TYW1: variants seen among roughly 807,000 people sequenced by gnomAD.
TYW1 encodes the protein S-adenosyl-L-methionine-dependent tRNA 4-demethylwyosine synthase TYW1.
In TYW1, 46 loss-of-function variants were observed where a neutral mutation model predicts 96.2. The ratio of observed to expected loss-of-function variants is 0.48; its 90% confidence interval spans 0.38 to 0.61. The LOEUF (loss-of-function observed/expected upper bound fraction) is 0.61, where lower values mean the gene tolerates loss of function less well. TYW1 is among the 20% of genes least tolerant of loss of function. The pLI, the probability that TYW1 is intolerant of heterozygous loss-of-function variation, is 0.00. For missense variants in TYW1, 684 were observed against 909.6 expected (o/e 0.75, Z 3.19); for synonymous variants, 274 against 323.0 (o/e 0.85, Z 1.63).
intron 12 of TYW1, among the ~76,000 whole-genome samples, chr7:67,099,824 G>T (rs756546660): frequency 6.6e-6 from 1 of 152,140 alleles, no homozygotes; most frequent in Non-Finnish European, 1.5e-5. Flanking sequence ...CCAACATGGG[G>T]AAACCCCATC....
chr7:67,041,187 A>G (rs951596453), intron 7 of TYW1, among the ~76,000 whole-genome samples: 10 of 152,326 alleles, frequency 6.6e-5, no homozygotes, highest in African/African-American at 2.4e-4. Context: ...GTTAGGTTAC[A>G]GCAGGGTGTT....
At chr7:67,083,772 C>T (rs1205267709) in intron 11 of TYW1, among the ~76,000 whole-genome samples, 1 of 152,224 alleles carries the variant, frequency 6.6e-6, no homozygotes, top group East Asian at 1.9e-4. Flanking sequence ...TGCTGGCTCA[C>T]GCCTGTAATC....
chr7:67,111,538 A>G (rs982528849), intron 12 of TYW1, among the ~76,000 whole-genome samples: 1 of 152,206 alleles, frequency 6.6e-6, no homozygotes, highest in Non-Finnish European at 1.5e-5. Context: ...TATGAAAATG[A>G]TGACTCATCA....
chr7:67,232,691 G>T (rs1458628914), intron 15 of TYW1, among the ~76,000 whole-genome samples: 2 of 125,002 alleles, frequency 1.6e-5, no homozygotes, highest in Non-Finnish European at 3.4e-5. Context: ...GGTCAGTAGG[G>T]TCTTCTCATT....
At chr7:67,232,189 C>A (rs1478638503) in intron 15 of TYW1, among the ~76,000 whole-genome samples, 1 of 151,938 alleles carries the variant, frequency 6.6e-6, no homozygotes, top group Admixed American at 6.6e-5. Context: ...TGAGATCATG[C>A]CATTGCACTC....
intron 7 of TYW1, among the ~76,000 whole-genome samples, chr7:67,032,077 G>A (rs1200118111): frequency 7.2e-5 from 11 of 151,772 alleles, no homozygotes; most frequent in Non-Finnish European, 1.0e-4. Flanking sequence ...ATGGTGAGGC[G>A]ATAACCATTC....
intron 13 of TYW1, among the ~76,000 whole-genome samples, chr7:67,162,828 TG>T (rs1799201943): frequency 6.6e-6 from 1 of 152,242 alleles, no homozygotes; most frequent in African/African-American, 2.4e-5. Flanking sequence ...CTCTTATTTC[TG>T]TTTACTATTC....
intron 9 of TYW1, among the ~76,000 whole-genome samples, chr7:67,058,993 A>T (rs1166176016): frequency 6.6e-6 from 1 of 152,128 alleles, no homozygotes; most frequent in East Asian, 1.9e-4. Flanking sequence ...AGAGCATTGC[A>T]ATGGGAATAT....
At chr7:67,109,003 G>A (rs1797321090) in intron 12 of TYW1, among the ~76,000 whole-genome samples, 1 of 152,056 alleles carries the variant, frequency 6.6e-6, no homozygotes, top group Non-Finnish European at 1.5e-5. Context: ...GCCGGGTGCG[G>A]TGGCTCACGC....
At chr7:67,170,543 A>G (rs1799484673) in intron 13 of TYW1, among the ~76,000 whole-genome samples, 1 of 152,238 alleles carries the variant, frequency 6.6e-6, no homozygotes, top group African/African-American at 2.4e-5. Flanking sequence ...CTGTTTTAAC[A>G]TGAACAACGA....
chr7:67,193,852 TTG>T (rs34815766), intron 14 of TYW1, among the ~76,000 whole-genome samples: 175 of 148,562 alleles, frequency 1.2e-3, no homozygotes, highest in Non-Finnish European at 1.8e-3. Flanking sequence ...TTGTGTGTGT[TTG>T]TGTGTGTGTG....
At chr7:67,165,838 G>A (rs1799305548) in intron 13 of TYW1, among the ~76,000 whole-genome samples, 1 of 152,212 alleles carries the variant, frequency 6.6e-6, no homozygotes, top group Non-Finnish European at 1.5e-5. Context: ...GCTGAGGCAG[G>A]AGGATCACTT....
At chr7:67,113,419 C>T (rs2115950699) in intron 12 of TYW1, among the ~76,000 whole-genome samples, 1 of 152,268 alleles carries the variant, frequency 6.6e-6, no homozygotes, top group Non-Finnish European at 1.5e-5. Context: ...TAGGACTTTG[C>T]AGTCAGAATC....
In TYW1 at chr7:67,059,096, G is replaced by GTT. The variant is rs557933957; in HGVS notation, c.1155+3229_1155+3230dup. 2.3e-3 allele frequency among the ~76,000 whole-genome samples: 285 copies of GTT among 124,582 alleles called. 6 individuals carry two copies. The highest frequency in any genetic ancestry group is 0.017 in the East Asian group (69 of 3,988). The allele number at this position is 124,582 out of a possible 152,430, so 81.7% of individuals were successfully genotyped here. A position where few individuals can be genotyped will look rare whatever the true frequency, so the allele number is the denominator to read the frequency against. On this transcript the variant is annotated intron_variant, in intron 9 of 15. Coordinates refer to ENST00000359626, the MANE Select transcript of TYW1 (RefSeq NM_018264.4). The stretch of plus-strand genomic sequence containing the variant: ...GTTAGTATAAGTCAATGAAGACAAA[G>GTT]TTTTTTTTTTTTTTTTTTTTTGAGA...
chr7:67,030,539 G>C (rs1258128876), intron 7 of TYW1, among the ~76,000 whole-genome samples: 5 of 152,210 alleles, frequency 3.3e-5, no homozygotes, highest in Non-Finnish European at 7.3e-5. Context: ...GGCTGAGGCA[G>C]GAGAATCGCT....
intron 13 of TYW1, among the ~76,000 whole-genome samples, chr7:67,121,853 G>A (rs1797769446): frequency 6.7e-6 from 1 of 150,056 alleles, no homozygotes; most frequent in Admixed American, 6.7e-5. Context: ...TTTATCCTTT[G>A]TCAAAATGTT....
At chr7:67,075,095 A>C (rs758659617) in intron 10 of TYW1, among the ~76,000 whole-genome samples, 3 of 152,194 alleles carry the variant, frequency 2.0e-5, no homozygotes, top group Non-Finnish European at 4.4e-5. Context: ...TGATTTTTTC[A>C]AAGTGAAATT....
In TYW1 at chr7:67,017,832, C is replaced by G. The variant is rs765797043; in HGVS notation, c.571-21C>G. 15 of 1,600,872 alleles carry G rather than the reference C, an allele frequency of 9.4e-6. No individual in the cohort carries two copies. The East Asian group carries it at 1.8e-4, about 19-fold the overall frequency. On this transcript the variant is annotated intron_variant, in intron 5 of 15. Coordinates refer to ENST00000359626, the MANE Select transcript of TYW1 (RefSeq NM_018264.4). ...TGATTTAGAGAACCGTGCTTTTAGC[C>G]TATCTATCTTTTCCTCACAGGTTGG...
intron 13 of TYW1, among the ~76,000 whole-genome samples, chr7:67,179,947 C>T (rs1327805646): frequency 2.0e-5 from 2 of 102,422 alleles, no homozygotes; most frequent in East Asian, 2.1e-4. Flanking sequence ...TCACGGCAGC[C>T]TCCACCTCCC....
Sources: allele counts gnomAD v4.1 joint callset (sites outside exome capture counted in the v4.1 genomes callset), GRCh38; gene constraint gnomAD v4.1.1; transcripts MANE v1.5; gene names NCBI Gene and HGNC (gene_info 2026-07-23, HGNC 2026-07-21).